The following TENT5A variants were observed in gnomAD, a reference collection of about 807,000 sequenced individuals.
The protein encoded by TENT5A is HBV X-transactivated gene 11 protein.
In TENT5A, 9 loss-of-function variants were observed where a neutral mutation model predicts 30.2. The observed-to-expected ratio is 0.30, with a 90% confidence interval of 0.18 to 0.52. TENT5A has a LOEUF of 0.52. Ranked by LOEUF, TENT5A falls within the 20% of genes least tolerant of loss-of-function variation. TENT5A has a pLI of 0.97. For missense variants in TENT5A, 411 were observed against 566.1 expected (o/e 0.73, Z 2.78); for synonymous variants, 264 against 234.2 (o/e 1.13, Z -1.16).
In TENT5A at chr6:81,752,010, A is replaced by ACCGCCGAAATCGCCG; in HGVS notation, c.131_132insCGGCGATTTCGGCGG (p.Asp41_Gly45dup). 1 of 1,336,418 alleles carries ACCGCCGAAATCGCCG rather than the reference A, an allele frequency of 7.5e-7. No individual in the cohort carries two copies. The highest frequency in any genetic ancestry group is 2.4e-5 in the East Asian group (1 of 42,266). 82.8% of individuals were successfully genotyped at this position (1,336,418 alleles called of 1,614,324 possible). A position where few individuals can be genotyped will look rare whatever the true frequency, so the allele number is the denominator to read the frequency against. Reference sequence around the variant, plus strand: ...AGCAATGCCCACCGAAGCTGCCGCCACCGCCGAAGTCGCCGCCGCCGAAGT... The same window carrying ACCGCCGAAATCGCCG: ...AGCAATGCCCACCGAAGCTGCCGCCACCGCCGAAATCGCCGCCGCCGAAGTCGCCGCCGCCGAAGT... On this transcript the variant is annotated inframe_insertion, in exon 2 of 3. Transcript: ENST00000320172.
chr6:81,748,456 C>T lies in TENT5A; in HGVS notation c.*1239G>A, dbSNP rs949125422. On this transcript the variant is annotated 3_prime_UTR_variant, in exon 3 of 3. Transcript: ENST00000320172. Reference sequence around the variant, plus strand: ...TCTGCTCTTCCTATGAAATATATTACTTGGTTCCCTCCTTCATTTAATTTT... The same window carrying T: ...TCTGCTCTTCCTATGAAATATATTATTTGGTTCCCTCCTTCATTTAATTTT... 3 of 980,458 alleles carry T rather than the reference C, an allele frequency of 3.1e-6. No homozygotes were observed. Among genetic ancestry groups the T allele is most frequent in the East Asian group, 1.1e-4 (1 of 8,764 alleles). 60.7% of individuals were successfully genotyped at this position (980,458 alleles called of 1,614,324 possible).
Position 81,749,900 on chromosome 6 carries a change from C to G in TENT5A, c.1124G>C (p.Arg375Thr), listed in dbSNP as rs753555884. 6.2e-7 allele frequency: 1 copy of G among 1,614,162 alleles called. No individual in the cohort carries two copies. Among genetic ancestry groups the G allele is most frequent in the East Asian group, 2.2e-5 (1 of 44,874 alleles). The change falls in exon 3 of 3, where the codon AGA (arginine) becomes ACA (threonine). Residue 375 changes from arginine to threonine, a missense_variant. Physicochemically the swap from Arg to Thr is moderately conservative, Grantham distance 71. Around this residue, in one of 5 missense-constraint regions of TENT5A, gnomAD observed 75 missense variants for 80.9 expected, o/e 0.93. Transcript: ENST00000320172. ...STVCLMGHER[R>T]QTLNLITMLA... ...CATGGTGATAAGGTTTAAAGTCTGTCTTCTTTCATGTCCCATCAGGCACAC... is the reference window on the plus strand; with the variant it reads ...CATGGTGATAAGGTTTAAAGTCTGTGTTCTTTCATGTCCCATCAGGCACAC...
At position 81,751,626 on chromosome 6, in the gene TENT5A, C is replaced by T; in HGVS notation, c.516G>A (p.Gly172=). 1.2e-6 allele frequency: 2 copies of T among 1,613,328 alleles called. No homozygotes were observed. Among genetic ancestry groups the T allele is most frequent in the Non-Finnish European group, 1.7e-6 (2 of 1,179,598 alleles). The change falls in exon 2 of 3, where the codon GGG becomes GGA. Residue 172 remains glycine, a synonymous_variant. Transcript: ENST00000320172. ...LDCLLDFLPE[G]VNKEKITPLT... Reference sequence around the variant, plus strand: ...GTGGTGTGATCTTCTCTTTGTTCACCCCCTCGGGTAAGAAGTCCAACAGGC... The same window carrying T: ...GTGGTGTGATCTTCTCTTTGTTCACTCCCTCGGGTAAGAAGTCCAACAGGC...
rs1769036308 is a variant in TENT5A at position 81,751,616 on chromosome 6, CTTTG to C, written c.522_525del (p.Asn174LysfsTer42). On this transcript the variant is annotated frameshift_variant, in exon 2 of 3. Transcript: ENST00000320172. LOFTEE classifies it high-confidence loss of function. The stretch of plus-strand genomic sequence containing the variant: ...TTGAGCGTGAGTGGTGTGATCTTCT[CTTTG>C]TTCACCCCCTCGGGTAAGAAGTCCA... 1.2e-6 allele frequency: 2 copies of C among 1,612,534 alleles called. No individual in the cohort carries two copies. The highest frequency in any genetic ancestry group is 2.7e-5 in the African/African-American group (2 of 74,896).
In TENT5A at chr6:81,749,379, C is replaced by G. The variant is rs1768978419; in HGVS notation, c.*316G>C. The G allele has an allele frequency of 9.1e-7, 1 of 1,103,664 alleles. No individual in the cohort carries two copies. Among genetic ancestry groups the G allele is most frequent in the Non-Finnish European group, 1.1e-6 (1 of 906,656 alleles). 68.4% of individuals were successfully genotyped at this position (1,103,664 alleles called of 1,614,324 possible). ...AGCTATGGGAGCAGATACAGCAAAC[C>G]CATATTGTCATCACACATTTCTTCT... is the stretch of plus-strand genomic sequence containing the variant. On this transcript the variant is annotated 3_prime_UTR_variant, in exon 3 of 3. Transcript: ENST00000320172.
chr6:81,746,584 A>T lies in TENT5A; in HGVS notation c.*3111T>A. The T allele has an allele frequency of 7.3e-6, 9 of 1,232,110 alleles. No homozygotes were observed. Among genetic ancestry groups the T allele is most frequent in the Non-Finnish European group, 8.1e-6 (8 of 987,926 alleles). The allele number at this position is 1,232,110 out of a possible 1,614,324, so 76.3% of individuals were successfully genotyped here. Reference sequence around the variant, plus strand: ...AGGCAGCTGGATTTACTGCAAATTAAGTAAACCTTTAAAAACGGCATTGTC... The same window carrying T: ...AGGCAGCTGGATTTACTGCAAATTATGTAAACCTTTAAAAACGGCATTGTC... On this transcript the variant is annotated 3_prime_UTR_variant, in exon 3 of 3. Transcript: ENST00000320172.
Position 81,750,468 on chromosome 6 carries a change from C to A in TENT5A, c.556G>T (p.Ala186Ser). The A allele has an allele frequency of 6.6e-7, 1 of 1,516,874 alleles. No homozygotes were observed. Among genetic ancestry groups the A allele is most frequent in the Non-Finnish European group, 8.8e-7 (1 of 1,132,328 alleles). 94.0% of individuals were successfully genotyped at this position (1,516,874 alleles called of 1,614,324 possible). A position where few individuals can be genotyped will look rare whatever the true frequency, so the allele number is the denominator to read the frequency against. The stretch of plus-strand genomic sequence containing the variant: ...ACTTTAACCATTTTCTGCACATAAG[C>A]TTCCTACAATTTAAAAGATAAAACA... ...EKITPLTLKE[A>S]YVQKMVKVCN... The change falls in exon 3 of 3, where the codon GCT becomes TCT. Residue 186 changes from alanine (A) to serine (S), a missense_variant. By Grantham distance (99) the Ala-to-Ser change is moderately conservative. Around this residue, in one of 5 missense-constraint regions of TENT5A, gnomAD observed 135 missense variants for 240.0 expected, o/e 0.56. Coordinates refer to ENST00000320172, the MANE Select transcript of TENT5A (RefSeq NM_017633.3). This position sits in a 1 kb window ranked among gnomAD's most constrained non-coding sequence, Gnocchi z 4.2.
Position 81,748,054 on chromosome 6 carries a change from TCATA to T in TENT5A, c.*1637_*1640del, listed in dbSNP as rs1768922364. The T allele has an allele frequency of 2.1e-6, 2 of 947,802 alleles. No individual in the cohort carries two copies. Among genetic ancestry groups the T allele is most frequent in the Non-Finnish European group, 2.5e-6 (2 of 795,636 alleles). The allele number at this position is 947,802 out of a possible 1,614,324, so 58.7% of individuals were successfully genotyped here. On this transcript the variant is annotated 3_prime_UTR_variant, in exon 3 of 3. Coordinates refer to ENST00000320172, the MANE Select transcript of TENT5A (RefSeq NM_017633.3). Reference sequence around the variant, plus strand: ...TAAAATGTTATATATAATATATATCTCATATATAAATTTTAAGCAATTGTGCAAA... The same window carrying T: ...TAAAATGTTATATATAATATATATCTTATAAATTTTAAGCAATTGTGCAAA...
chr6:81,751,577 C>T lies in TENT5A; in HGVS notation c.552+13G>A. 2 of 1,588,834 alleles carry T rather than the reference C, an allele frequency of 1.3e-6. No individual in the cohort carries two copies. Among genetic ancestry groups the T allele is most frequent in the Non-Finnish European group, 1.7e-6 (2 of 1,165,888 alleles). On this transcript the variant is annotated intron_variant, in intron 2 of 2. Transcript: ENST00000320172. The stretch of plus-strand genomic sequence containing the variant: ...ACTGGGTCAGGACCCAAGTGCATCT[C>T]GGGTGGTGTTACCTTGAGCGTGAGT...
At position 81,745,916 on chromosome 6, in the gene TENT5A, G is replaced by A; in HGVS notation, c.*3779C>T. ...AAATATTCCAAAAGAGTGACCCAAG[G>A]TGCAGCTTGCTGCAACAGAACACCT... On this transcript the variant is annotated 3_prime_UTR_variant, in exon 3 of 3. Coordinates refer to ENST00000320172, the MANE Select transcript of TENT5A (RefSeq NM_017633.3). 1 of 985,394 alleles carries A rather than the reference G, an allele frequency of 1.0e-6. No individual in the cohort carries two copies. The highest frequency in any genetic ancestry group is 1.2e-6 in the Non-Finnish European group (1 of 829,902). The allele number at this position is 985,394 out of a possible 1,614,324, so 61.0% of individuals were successfully genotyped here. A position where few individuals can be genotyped will look rare whatever the true frequency, so the allele number is the denominator to read the frequency against.
At position 81,750,693 on chromosome 6, in the gene TENT5A, T is replaced by A. The variant is rs1025726229; in HGVS notation, c.553-222A>T. On this transcript the variant is annotated intron_variant, in intron 2 of 2. Coordinates refer to ENST00000320172, the MANE Select transcript of TENT5A (RefSeq NM_017633.3). The surrounding 1 kb of genome is among the most constrained non-coding windows in gnomAD (Gnocchi z 4.2). ...CTGGGAAAGGGACTAGAGGTAATAG[T>A]TTGAGGCTTTTGGCAGACGTAGCAC... Among the ~76,000 whole-genome samples the A allele has an allele frequency of 6.6e-6, 1 of 152,220 alleles. No homozygotes were observed. Among genetic ancestry groups the A allele is most frequent in the African/African-American group, 2.4e-5 (1 of 41,470 alleles).
rs1769069232 is a variant in TENT5A at position 81,752,450 on chromosome 6, C to A, written c.-57G>T. On this transcript the variant is annotated 5_prime_UTR_variant, in exon 1 of 3. Transcript: ENST00000320172. ...TGTCACCTGGAGGCGGCCGCCCCTTCTAGGAGCGCAGCGAGCGAGAGCGAA... is the reference window on the plus strand; with the variant it reads ...TGTCACCTGGAGGCGGCCGCCCCTTATAGGAGCGCAGCGAGCGAGAGCGAA... 3 of 1,550,104 alleles carry A rather than the reference C, an allele frequency of 1.9e-6. No individual in the cohort carries two copies. The highest frequency in any genetic ancestry group is 2.6e-6 in the Non-Finnish European group (3 of 1,146,822).
intron 1 of TENT5A, 48 bp downstream of exon 1, chr6:81,752,383 A>G (rs1280864635): frequency 6.5e-7 from 1 of 1,548,868 alleles, no homozygotes; most frequent in Non-Finnish European, 8.7e-7. Context: ...CACCAAAAGT[A>G]TCTCTGATGC....
rs373242187 is a variant in TENT5A at position 81,749,986 on chromosome 6, T to C, written c.1038A>G (p.Gly346=). The change falls in exon 3 of 3, where the codon GGA becomes GGG. Residue 346 remains glycine (G), a synonymous_variant. Transcript: ENST00000320172. ...GATACTCATACTTGCGGTCTTCCAA[T>C]CCCACAAAGTGGTTCTGCAAATAGG... ...LESYLQNHFV[G]LEDRKYEYLM... 1.1e-5 allele frequency: 18 copies of C among 1,614,056 alleles called. No individual in the cohort carries two copies. Among genetic ancestry groups the C allele is most frequent in the Non-Finnish European group, 1.5e-5 (18 of 1,180,040 alleles).
chr6:81,750,106 G>A lies in TENT5A; in HGVS notation c.918C>T (p.Pro306=), dbSNP rs1226593225. ...YCNLLVRGFR[P]ASDEIKTLQR... Reference sequence around the variant, plus strand: ...GAAGGGTCTTGATTTCATCAGAGGCGGGCCTAAAGCCCCTCACCAAGAGGT... The same window carrying A: ...GAAGGGTCTTGATTTCATCAGAGGCAGGCCTAAAGCCCCTCACCAAGAGGT... The change falls in exon 3 of 3, where the codon CCC becomes CCT. Residue 306 remains proline (P), a synonymous_variant. Coordinates refer to ENST00000320172, the MANE Select transcript of TENT5A (RefSeq NM_017633.3). The surrounding 1 kb of genome is among the most constrained non-coding windows in gnomAD (Gnocchi z 4.2). The A allele has an allele frequency of 1.9e-6, 3 of 1,613,684 alleles. No individual in the cohort carries two copies. Among genetic ancestry groups the A allele is most frequent in the East Asian group, 2.2e-5 (1 of 44,880 alleles).
In TENT5A at chr6:81,746,691, A is replaced by C. The variant is rs1768893493; in HGVS notation, c.*3004T>G. ...GACAAAACTTCTTCCTGGTTTAAAG[A>C]AACAGCACACTAGGCCAGATAAACA... is the stretch of plus-strand genomic sequence containing the variant. On this transcript the variant is annotated 3_prime_UTR_variant, in exon 3 of 3. Coordinates refer to ENST00000320172, the MANE Select transcript of TENT5A (RefSeq NM_017633.3). The C allele has an allele frequency of 4.1e-6, 5 of 1,228,866 alleles. No individual in the cohort carries two copies. Among genetic ancestry groups the C allele is most frequent in the Non-Finnish European group, 5.1e-6 (5 of 986,284 alleles). 76.1% of individuals were successfully genotyped at this position (1,228,866 alleles called of 1,614,324 possible).
rs1451615318 is a variant in TENT5A at position 81,751,980 on chromosome 6, G to C, written c.162C>G (p.Asp54Glu). The C allele has an allele frequency of 6.4e-7, 1 of 1,573,152 alleles. No homozygotes were observed. The highest frequency in any genetic ancestry group is 1.8e-5 in the Admixed American group (1 of 57,112). Residue 54 changes from aspartate (D) to glutamate (E), a missense_variant, in exon 2 of 3, where the codon GAC becomes GAG. Asp to Glu is a conservative substitution (Grantham distance 45). Transcript: ENST00000320172. ...GGGSFGGHCL[D>E]YCESPTAHCN... Reference sequence around the variant, plus strand: ...AGTGCGCCGTAGGGCTTTCGCAATAGTCCAAGCAATGCCCACCGAAGCTGC... The same window carrying C: ...AGTGCGCCGTAGGGCTTTCGCAATACTCCAAGCAATGCCCACCGAAGCTGC...
chr6:81,748,595 T>C lies in TENT5A; in HGVS notation c.*1100A>G, dbSNP rs1008284935. 1.2e-5 allele frequency: 12 copies of C among 968,276 alleles called. 1 individual carries two copies. In the Admixed American group the frequency reaches 3.1e-4, roughly 25 times the overall value. The allele number at this position is 968,276 out of a possible 1,614,324, so 60.0% of individuals were successfully genotyped here. A position where few individuals can be genotyped will look rare whatever the true frequency, so the allele number is the denominator to read the frequency against. On this transcript the variant is annotated 3_prime_UTR_variant, in exon 3 of 3. Coordinates refer to ENST00000320172, the MANE Select transcript of TENT5A (RefSeq NM_017633.3). ...TTCCTATTTGAGACATTATTCTAGA[T>C]CATAGTCAATCTACTGTGTATATAT...
Position 81,748,324 on chromosome 6 carries a change from T to TA in TENT5A, c.*1370dup. 1 of 971,428 alleles carries TA rather than the reference T, an allele frequency of 1.0e-6. No homozygotes were observed. The highest frequency in any genetic ancestry group is 1.2e-6 in the Non-Finnish European group (1 of 825,624). 60.2% of individuals were successfully genotyped at this position (971,428 alleles called of 1,614,324 possible). ...CAACTGTCAAAATGGCAGTTCAATA[T>TA]AAAAAAGAGTGCTCTGCCAAACAAA... On this transcript the variant is annotated 3_prime_UTR_variant, in exon 3 of 3. Transcript: ENST00000320172.
Sources: gnomAD v4.1 joint callset for allele counts (sites outside exome capture counted in the v4.1 genomes callset) on GRCh38, gnomAD v4.1.1 for gene constraint, gnomAD v4.1.1 regional missense constraint, Gnocchi (gnomAD v3.1) non-coding constraint, MANE v1.5 for transcripts, NCBI Gene and HGNC (gene_info 2026-07-23, HGNC 2026-07-21) for gene names.